The following UBOX5 variants were observed in gnomAD, a reference collection of about 807,000 sequenced individuals.
UBOX5 encodes the protein RING finger protein 37.
A neutral mutation model predicts 39.0 loss-of-function variants in UBOX5; 28 were observed. The ratio of observed to expected loss-of-function variants is 0.72; its 90% CI spans 0.53 to 0.98. UBOX5 has a LOEUF of 0.98. Among genes scored for constraint, UBOX5 ranks in the 50% least tolerant of loss-of-function variants. The pLI is 0.00. For synonymous variants in UBOX5, 283 were observed against 275.5 expected, an observed-to-expected ratio of 1.03 and a Z score of -0.27; for missense variants, 585 against 674.4, an observed-to-expected ratio of 0.87 and a Z score of 1.47.
chr20:3,121,789 T>C lies in UBOX5; in HGVS notation c.850A>G (p.Ile284Val), dbSNP rs371677351. 55 of 1,614,120 alleles carry C rather than the reference T, an allele frequency of 3.4e-5. 1 individual carries two copies. In the African/African-American group the frequency reaches 4.8e-4, roughly 14 times the overall value. ...CPMLLPSGKV[I>V]DQSTLEKCNR... The stretch of plus-strand genomic sequence containing the variant: ...CACTTCTCCAGTGTGCTCTGGTCGA[T>C]GACCTTGCCTGAGGGCAGCAGCATG... Residue 284 changes from isoleucine to valine, a missense_variant, in exon 3 of 5, where the codon ATC (isoleucine) becomes GTC (valine). By Grantham distance (29) the Ile-to-Val change is conservative. Coordinates refer to ENST00000217173, the MANE Select transcript of UBOX5 (RefSeq NM_014948.4).
chr20:3,151,913 T>C (rs1475086491), intron 1 of UBOX5: 1 of 151,402 alleles, frequency 6.6e-6, no homozygotes, highest in Admixed American at 6.6e-5. Flanking sequence ...GAGACCAGCC[T>C]GGCCATCATG....
chr20:3,118,257 G>T (rs147455542), intron 3 of UBOX5, among the ~76,000 whole-genome samples: 1 of 152,234 alleles, frequency 6.6e-6, no homozygotes, highest in East Asian at 1.9e-4. Context: ...TAGATAACCT[G>T]AGGTCAGGAG....
At chr20:3,157,291 T>G (rs76360286) in intron 1 of UBOX5, among the ~76,000 whole-genome samples, 14,383 of 152,036 alleles carry the variant, frequency 0.095, 752 homozygotes, top group Middle Eastern at 0.13. Flanking sequence ...CAGAGAGGAG[T>G]CTACCAGTAC....
At chr20:3,114,219 A>G (rs2066276165) in intron 4 of UBOX5, among the ~76,000 whole-genome samples, 1 of 152,192 alleles carries the variant, frequency 6.6e-6, no homozygotes, top group South Asian at 2.1e-4. Flanking sequence ...ACAGGGGAAC[A>G]TGGACAGTTG....
rs375664110 is a variant in UBOX5 at position 3,122,089 on chromosome 20, C to T, written c.550G>A (p.Gly184Ser). ...RICITHVTGG[G>S]IPCIKRLEVW... The stretch of plus-strand genomic sequence containing the variant: ...TCCAACCGCTTGATACAAGGGATAC[C>T]GCCGCCTGTCACATGGGTGATACAG... Residue 184 changes from glycine (G) to serine (S), a missense_variant, in exon 3 of 5, where the codon GGT (glycine) becomes AGT (serine). Transcript: ENST00000217173. 5.3e-5 allele frequency: 86 copies of T among 1,614,112 alleles called. No homozygotes were observed. Among genetic ancestry groups the T allele is most frequent in the African/African-American group, 1.2e-4 (9 of 74,944 alleles).
intron 4 of UBOX5, chr20:3,111,580 C>G (rs566586122): frequency 3.6e-4 from 55 of 152,682 alleles, no homozygotes; most frequent in African/African-American, 1.3e-3. Flanking sequence ...AGCTTCCAAT[C>G]ACTTCTTTGC....
At chr20:3,136,990 C>T (rs916308865) in intron 1 of UBOX5, among the ~76,000 whole-genome samples, 2 of 149,014 alleles carry the variant, frequency 1.3e-5, no homozygotes, top group African/African-American at 5.0e-5. Flanking sequence ...CTCTGATGCC[C>T]GGGCTGGAGT....
In UBOX5 at chr20:3,149,838, C is replaced by T. The variant is rs953802639; in HGVS notation, c.-42+9928G>A. Among the ~76,000 whole-genome samples the T allele has an allele frequency of 5.9e-5, 9 of 151,874 alleles. No individual in the cohort carries two copies. The East Asian group carries it at 1.4e-3, about 23-fold the overall frequency. On this transcript the variant is annotated intron_variant, in intron 1 of 4. Coordinates refer to ENST00000217173, the MANE Select transcript of UBOX5 (RefSeq NM_014948.4). The surrounding 1 kb of genome is among the most constrained non-coding windows in gnomAD (Gnocchi z 4.1). ...TTCAAGACCAGCCTGGCCAACAAGG[C>T]GAAATCCCGTCTCTATTAAAAATAC...
At chr20:3,125,901 C>T (rs1026039302) in intron 1 of UBOX5, among the ~76,000 whole-genome samples, 4 of 150,938 alleles carry the variant, frequency 2.7e-5, no homozygotes, top group East Asian at 2.0e-4. Context: ...AAGTGAGGAG[C>T]GCCTCTGCCC....
intron 1 of UBOX5, chr20:3,148,011 G>A (rs772727204): frequency 4.3e-6 from 7 of 1,614,116 alleles, no homozygotes; most frequent in Non-Finnish European, 5.9e-6. Flanking sequence ...ACTAAGGAGC[G>A]ACTACTCAGA....
intron 1 of UBOX5, among the ~76,000 whole-genome samples, chr20:3,126,026 C>T (rs936178530): frequency 2.0e-5 from 3 of 152,204 alleles, no homozygotes; most frequent in Admixed American, 2.0e-4. Context: ...AGACAGCGAA[C>T]ATCAAGAACG....
chr20:3,159,222 G>A (rs2066721033), intron 1 of UBOX5, among the ~76,000 whole-genome samples: 1 of 152,188 alleles, frequency 6.6e-6, no homozygotes, highest in Non-Finnish European at 1.5e-5. Flanking sequence ...TGGGGGGAAG[G>A]TATATATCCT....
At chr20:3,147,723 A>C in intron 1 of UBOX5, 1 of 1,614,210 alleles carries the variant, frequency 6.2e-7, no homozygotes, top group Non-Finnish European at 8.5e-7. Context: ...CTGGAGTAAA[A>C]TTCTTCTGCA....
Position 3,149,038 on chromosome 20 carries a change from T to C in UBOX5, c.-42+10728A>G, listed in dbSNP as rs1251735283. ...AAGGACTGCAAAATGCTCGGTATCT[T>C]ACAAGTTTTAATGACTTGAGAGTAG... On this transcript the variant is annotated intron_variant, in intron 1 of 4. Coordinates refer to ENST00000217173, the MANE Select transcript of UBOX5 (RefSeq NM_014948.4). This position sits in a 1 kb window ranked among gnomAD's most constrained non-coding sequence, Gnocchi z 4.1. 18 of 1,613,560 alleles carry C rather than the reference T, an allele frequency of 1.1e-5. No individual in the cohort carries two copies. Among genetic ancestry groups the C allele is most frequent in the Non-Finnish European group, 1.5e-5 (18 of 1,179,710 alleles).
intron 1 of UBOX5, among the ~76,000 whole-genome samples, chr20:3,134,556 T>G (rs1299029169): frequency 1.9e-5 from 1 of 52,010 alleles, no homozygotes. Flanking sequence ...AGACCCCATC[T>G]GAAAAAAAAA....
At position 3,112,348 on chromosome 20, in the gene UBOX5, C is replaced by A. The variant is rs538170263; in HGVS notation, c.1418-2034G>T. ...CAACACCACAGAAGCATGCAAGGGCCCCAATTGCCCCCAGCACTGACCAGA... is the reference window on the plus strand; with the variant it reads ...CAACACCACAGAAGCATGCAAGGGCACCAATTGCCCCCAGCACTGACCAGA... On this transcript the variant is annotated intron_variant, in intron 4 of 4. Coordinates refer to ENST00000217173, the MANE Select transcript of UBOX5 (RefSeq NM_014948.4). Among the ~76,000 whole-genome samples the A allele has an allele frequency of 5.3e-5, 8 of 151,856 alleles. No individual in the cohort carries two copies. In the East Asian group the frequency reaches 1.5e-3, roughly 29 times the overall value.
At chr20:3,135,073 T>A (rs1334274359) in intron 1 of UBOX5, among the ~76,000 whole-genome samples, 3 of 152,166 alleles carry the variant, frequency 2.0e-5, no homozygotes, top group Non-Finnish European at 4.4e-5. Context: ...TTCAGTTTTG[T>A]ACAAATATAT....
chr20:3,149,467 C>T lies in UBOX5; in HGVS notation c.-42+10299G>A, dbSNP rs753593934. On this transcript the variant is annotated intron_variant, in intron 1 of 4. Transcript: ENST00000217173. The surrounding 1 kb of genome is among the most constrained non-coding windows in gnomAD (Gnocchi z 4.1). ...AGGAAAACCCCCAACCCAGGGTACC[C>T]GTGGGCAGTTCCTGGACTGCTGCTC... Among the ~76,000 whole-genome samples the T allele has an allele frequency of 9.2e-5, 14 of 152,128 alleles. No homozygotes were observed. Among genetic ancestry groups the T allele is most frequent in the Non-Finnish European group, 2.1e-4 (14 of 68,022 alleles).
chr20:3,115,379 C>A lies in UBOX5; in HGVS notation c.1343G>T (p.Arg448Leu), dbSNP rs148208881. Reference protein sequence around the residue: ...TLGSMPSFTARLTRGQLQHLG... With the variant: ...TLGSMPSFTALLTRGQLQHLG... ...GTGCTGGAGCTGTCCCCTGGTCAGC[C>A]GTGCCGTGAAGGAGGGCATAGAGCC... Residue 448 changes from arginine (R) to leucine (L), a missense_variant, in exon 4 of 5, where the codon CGG becomes CTG. Transcript: ENST00000217173. 5.0e-6 allele frequency: 8 copies of A among 1,614,052 alleles called. No individual in the cohort carries two copies. The highest frequency in any genetic ancestry group is 5.9e-6 in the Non-Finnish European group (7 of 1,180,030).
Sources: allele counts gnomAD v4.1 joint callset (sites outside exome capture counted in the v4.1 genomes callset), GRCh38; gene constraint gnomAD v4.1.1; non-coding constraint Gnocchi (gnomAD v3.1); transcripts MANE v1.5; gene names NCBI Gene and HGNC (gene_info 2026-07-23, HGNC 2026-07-21).